GLB1: variants seen among roughly 807,000 people sequenced by gnomAD.
GLB1 encodes the protein galactosidase beta 1, also known as beta-galactosidase.
Under a neutral mutation model 74.0 loss-of-function variants are expected in GLB1, and 56 were observed. That is an observed-to-expected ratio of 0.76 (90% CI 0.61 to 0.94). The LOEUF (loss-of-function observed/expected upper bound fraction) is 0.94, where lower values mean the gene tolerates loss of function less well. Among genes scored for constraint, GLB1 ranks in the 40% least tolerant of loss-of-function variants. The probability of loss-of-function intolerance (pLI) is 0.00; values close to 1 mark genes in which losing one functional copy is unlikely to be tolerated. For synonymous variants in GLB1, 323 were observed against 323.6 expected, an observed-to-expected ratio of 1.00 and a Z score of 0.02; for missense variants, 787 against 845.5, an observed-to-expected ratio of 0.93 and a Z score of 0.86.
At chr3:33,073,461 G>A (rs1699962043) in intron 1 of GLB1, among the ~76,000 whole-genome samples, 1 of 152,182 alleles carries the variant, frequency 6.6e-6, no homozygotes, top group South Asian at 2.1e-4. Context: ...GCCAAGGCAG[G>A]TGGATCACCT....
At chr3:33,061,367 T>A (rs1040541718) in intron 5 of GLB1, among the ~76,000 whole-genome samples, 1 of 152,132 alleles carries the variant, frequency 6.6e-6, no homozygotes, top group African/African-American at 2.4e-5. Context: ...TGAGCAGAGA[T>A]TGCGCCACTG....
chr3:33,088,515 T>C (rs1325387777), intron 1 of GLB1, among the ~76,000 whole-genome samples: 4 of 151,980 alleles, frequency 2.6e-5, no homozygotes, highest in African/African-American at 9.6e-5. Flanking sequence ...CAATCCTAAA[T>C]GGAATTTCAA....
At chr3:32,968,020 G>A in the GLB1 span, among the ~76,000 whole-genome samples, 1 of 152,224 alleles carries the variant, frequency 6.6e-6, no homozygotes, top group African/African-American at 2.4e-5. Flanking sequence ...GGCGGCAGGA[G>A]TGGCTTTTCA....
chr3:33,077,498 A>T, intron 1 of GLB1: 1 of 719,360 alleles, frequency 1.4e-6, no homozygotes, highest in Non-Finnish European at 2.2e-6. Context: ...CTAAAAAGGG[A>T]ACCTCCCACT....
chr3:33,055,609 C>A (rs548248406), intron 6 of GLB1, among the ~76,000 whole-genome samples: 13 of 151,332 alleles, frequency 8.6e-5, no homozygotes, highest in African/African-American at 2.9e-4. Context: ...TACAAAAGTG[C>A]GCCACCACGA....
chr3:32,992,310 T>C (rs1014844444), downstream of GLB1, among the ~76,000 whole-genome samples: 12 of 152,204 alleles, frequency 7.9e-5, no homozygotes, highest in African/African-American at 2.7e-4. Context: ...GCACAGTGGC[T>C]GGTCAGGAGG....
chr3:33,001,263 G>A (rs1268115697), intron 15 of GLB1, among the ~76,000 whole-genome samples: 4 of 148,900 alleles, frequency 2.7e-5, no homozygotes, highest in Non-Finnish European at 6.0e-5. Context: ...CATTGCCAAG[G>A]TTGGACTCCA....
intron 14 of GLB1, among the ~76,000 whole-genome samples, chr3:33,015,799 G>A (rs982292265): frequency 2.0e-5 from 3 of 152,188 alleles, no homozygotes; most frequent in Non-Finnish European, 4.4e-5. Context: ...CTGATCTCAA[G>A]AGGGTCAGGA....
the GLB1 span, among the ~76,000 whole-genome samples, chr3:32,969,280 CA>C: frequency 1.3e-5 from 2 of 152,084 alleles, no homozygotes; most frequent in Non-Finnish European, 2.9e-5. Flanking sequence ...AGCAAAAGGC[CA>C]AAAGACAAAT....
At position 32,996,792 on chromosome 3, in the gene GLB1, C is replaced by A; in HGVS notation, c.*253G>T. The A allele has an allele frequency of 1.9e-6, 1 of 539,712 alleles. No homozygotes were observed. Among genetic ancestry groups the A allele is most frequent in the South Asian group, 2.2e-5 (1 of 44,640 alleles). 33.4% of individuals were successfully genotyped at this position (539,712 alleles called of 1,614,324 possible). A position where few individuals can be genotyped will look rare whatever the true frequency, so the allele number is the denominator to read the frequency against. Reference sequence around the variant, plus strand: ...GATTCTTCCAAAATAAAAATCACTACCACCTTTAAAGCTTCCATTCCAGCC... The same window carrying A: ...GATTCTTCCAAAATAAAAATCACTAACACCTTTAAAGCTTCCATTCCAGCC... On this transcript the variant is annotated 3_prime_UTR_variant, in exon 16 of 16. Coordinates refer to ENST00000307363, the MANE Select transcript of GLB1 (RefSeq NM_000404.4).
At chr3:33,057,037 G>A (rs1226635411) in intron 6 of GLB1, among the ~76,000 whole-genome samples, 4 of 152,224 alleles carry the variant, frequency 2.6e-5, no homozygotes, top group Non-Finnish European at 5.9e-5. Flanking sequence ...AATCCCCAGT[G>A]TTGGAGGTAG....
the GLB1 span, among the ~76,000 whole-genome samples, chr3:32,980,687 A>T: frequency 1.3e-5 from 2 of 152,134 alleles, no homozygotes; most frequent in Admixed American, 6.6e-5. Context: ...AGGCCAAGGT[A>T]GGAGAATTGC....
intron 5 of GLB1, among the ~76,000 whole-genome samples, chr3:33,061,960 T>C (rs1699461330): frequency 6.6e-6 from 1 of 152,122 alleles, no homozygotes; most frequent in Admixed American, 6.6e-5. Context: ...AACACAACAG[T>C]GTTGAGGGCC....
At chr3:32,982,142 C>T in the GLB1 span, among the ~76,000 whole-genome samples, 2 of 151,890 alleles carry the variant, frequency 1.3e-5, no homozygotes, top group East Asian at 1.9e-4. Flanking sequence ...GGAGAAACCC[C>T]GTCTCTACTA....
intron 6 of GLB1, among the ~76,000 whole-genome samples, chr3:33,055,768 G>GTT (rs200229955): frequency 7.0e-6 from 1 of 143,144 alleles, no homozygotes; most frequent in Non-Finnish European, 1.5e-5. Flanking sequence ...CGCTGGGCCC[G>GTT]TTTTTTTTTT....
chr3:32,984,987 C>A, the GLB1 span, among the ~76,000 whole-genome samples: 3 of 150,438 alleles, frequency 2.0e-5, no homozygotes, highest in Non-Finnish European at 4.4e-5. Flanking sequence ...CATCTGTGGT[C>A]CCAGCTATTT....
chr3:32,975,040 T>C, the GLB1 span, among the ~76,000 whole-genome samples: 1 of 152,154 alleles, frequency 6.6e-6, no homozygotes, highest in Non-Finnish European at 1.5e-5. Flanking sequence ...GAGCATGAAT[T>C]ATGTGACAGA....
chr3:32,992,554 C>T (rs1696244005), downstream of GLB1, among the ~76,000 whole-genome samples: 2 of 152,308 alleles, frequency 1.3e-5, no homozygotes, highest in Admixed American at 6.5e-5. Flanking sequence ...CACAAGGTGG[C>T]CACCACATTT....
chr3:33,081,537 C>T (rs1276353977), intron 1 of GLB1, among the ~76,000 whole-genome samples: 1 of 152,182 alleles, frequency 6.6e-6, no homozygotes, highest in Non-Finnish European at 1.5e-5. Context: ...CCCAGGAGAG[C>T]CCAGAGAACT....
Sources: allele counts gnomAD v4.1 joint callset (sites outside exome capture counted in the v4.1 genomes callset), GRCh38; gene constraint gnomAD v4.1.1; transcripts MANE v1.5; gene names NCBI Gene and HGNC (gene_info 2026-07-23, HGNC 2026-07-21).